SAMMSON: variants seen among roughly 807,000 people sequenced by gnomAD.
SAMMSON encodes long intergenic non-protein coding RNA 1212.
chr3:70,215,808 C>A lies in SAMMSON; in HGVS notation n.508-33299C>A, dbSNP rs917510004. On this transcript the variant is annotated intron_variant and non_coding_transcript_variant, in intron 4 of 9. Transcript: ENST00000642114. The stretch of plus-strand genomic sequence containing the variant: ...TTTAGCCAACTGATGAACTGACAGA[C>A]TAAAGGTGGCGTGTCTTGGTTTTCA... 2.0e-5 allele frequency among the ~76,000 whole-genome samples: 3 copies of A among 152,100 alleles called. No homozygotes were observed. In the East Asian group the frequency reaches 5.8e-4, roughly 29 times the overall value.
At chr3:70,267,824 A>T (rs540638223) in intron 6 of SAMMSON, among the ~76,000 whole-genome samples, 1 of 152,238 alleles carries the variant, frequency 6.6e-6, no homozygotes, top group African/African-American at 2.4e-5. Context: ...TTAGGTAAAA[A>T]ATGGAAATTT....
At chr3:70,391,362 A>G (rs570415950), downstream of SAMMSON, among the ~76,000 whole-genome samples, 3 of 152,278 alleles carry the variant, frequency 2.0e-5, no homozygotes, top group East Asian at 3.9e-4. Flanking sequence ...CATGCCCTTT[A>G]TGGCATAATA....
intron 4 of SAMMSON, among the ~76,000 whole-genome samples, chr3:70,243,967 T>C (rs1701682655): frequency 6.6e-6 from 1 of 152,198 alleles, no homozygotes. Flanking sequence ...TTGCTTCTGA[T>C]CTGCTAATTA....
chr3:70,089,534 G>T (rs1334620352), intron 4 of SAMMSON, among the ~76,000 whole-genome samples: 1 of 150,982 alleles, frequency 6.6e-6, no homozygotes, highest in African/African-American at 2.4e-5. Flanking sequence ...TTAGGCAGAT[G>T]GACGGGGGGT....
At chr3:70,324,168 T>TATC (rs1387335321) in intron 7 of SAMMSON, among the ~76,000 whole-genome samples, 1 of 103,576 alleles carries the variant, frequency 9.7e-6, no homozygotes, top group Non-Finnish European at 2.2e-5. Context: ...TCTATCTATC[T>TATC]ATCTATCTAT....
chr3:70,413,517 G>T (rs887096710), intron 2 of SAMMSON, among the ~76,000 whole-genome samples: 1 of 152,048 alleles, frequency 6.6e-6, no homozygotes, highest in African/African-American at 2.4e-5. Context: ...GAAAATGTAC[G>T]CAGAGTAATC....
intron 4 of SAMMSON, among the ~76,000 whole-genome samples, chr3:70,141,286 C>T (rs2067526587): frequency 6.6e-6 from 1 of 152,156 alleles, no homozygotes; most frequent in Non-Finnish European, 1.5e-5. Flanking sequence ...AAGCTGCAGG[C>T]CCAAGGAAGT....
intron 4 of SAMMSON, among the ~76,000 whole-genome samples, chr3:70,156,483 C>T (rs1215857015): frequency 6.6e-6 from 1 of 151,864 alleles, no homozygotes; most frequent in East Asian, 1.9e-4. Context: ...GAAGTTTTAT[C>T]AAAATTTTCA....
intron 8 of SAMMSON, among the ~76,000 whole-genome samples, chr3:70,354,587 G>A (rs1243762154): frequency 6.6e-6 from 1 of 152,188 alleles, no homozygotes; most frequent in Non-Finnish European, 1.5e-5. Flanking sequence ...ACTTCTGGCT[G>A]CAGGGAGTGT....
At chr3:70,398,470 C>G (rs1036400813) in intron 2 of SAMMSON, among the ~76,000 whole-genome samples, 3 of 152,108 alleles carry the variant, frequency 2.0e-5, no homozygotes, top group Non-Finnish European at 4.4e-5. Flanking sequence ...TTTTTAACAA[C>G]CCAAATAAAC....
intron 4 of SAMMSON, among the ~76,000 whole-genome samples, chr3:70,232,359 A>G (rs1416235221): frequency 6.6e-6 from 1 of 151,614 alleles, no homozygotes; most frequent in Admixed American, 6.6e-5. Context: ...TGCCCACAAT[A>G]TTCACACCTC....
chr3:70,401,670 G>A lies in SAMMSON; in HGVS notation n.233+43346G>A, dbSNP rs186946019. ...GCAATTCAAAAACATTATTGAAAGT[G>A]TGGTTAAGATTTAGTCTAAGGATCT... On this transcript the variant is annotated intron_variant and non_coding_transcript_variant, in intron 2 of 3. Transcript: ENST00000641053. Among the ~76,000 whole-genome samples the A allele has an allele frequency of 7.2e-3, 1,091 of 151,974 alleles. 13 individuals are homozygous for A. The highest frequency in any genetic ancestry group is 0.025 in the African/African-American group (1,023 of 41,494).
intron 4 of SAMMSON, chr3:70,126,695 GTTTTGTTTTTGT>G (rs960274516): frequency 6.6e-5 from 17 of 259,116 alleles, no homozygotes; most frequent in African/African-American, 3.0e-4. Flanking sequence ...AAGAAGTTAG[GTTTTGTTTTTGT>G]TTTTGTTTTT....
intron 2 of SAMMSON, among the ~76,000 whole-genome samples, chr3:70,418,999 C>CTCTCTCTCTCTCTCTCTT (rs1553664169): frequency 1.1e-4 from 13 of 119,290 alleles, no homozygotes; most frequent in African/African-American, 4.2e-4. Context: ...CTCTCTCTCT[C>CTCTCTCTCTCTCTCTCTT]TCTTTCTTTC....
intron 9 of SAMMSON, among the ~76,000 whole-genome samples, chr3:70,359,676 A>C (rs1702857512): frequency 6.6e-6 from 1 of 152,114 alleles, no homozygotes; most frequent in African/African-American, 2.4e-5. Flanking sequence ...TACTTGTTTA[A>C]AATATTTAGA....
intron 4 of SAMMSON, among the ~76,000 whole-genome samples, chr3:70,239,128 T>C (rs1172451487): frequency 6.6e-6 from 1 of 152,188 alleles, no homozygotes; most frequent in Admixed American, 6.5e-5. Context: ...AACTGGTCTT[T>C]CATCAGTTCT....
At chr3:70,290,201 T>C (rs9820990) in intron 6 of SAMMSON, among the ~76,000 whole-genome samples, 31,679 of 152,048 alleles carry the variant, frequency 0.21, 3,496 homozygotes, top group South Asian at 0.28. Context: ...TTATCTACTT[T>C]TGGTCTTTGA....
At chr3:70,156,528 T>A in intron 4 of SAMMSON, among the ~76,000 whole-genome samples, 1 of 151,952 alleles carries the variant, frequency 6.6e-6, no homozygotes, top group East Asian at 1.9e-4. Context: ...GACCAAAGAA[T>A]AAATGAGAAA....
chr3:70,135,349 A>G (rs1559521052), intron 4 of SAMMSON, among the ~76,000 whole-genome samples: 1 of 152,276 alleles, frequency 6.6e-6, no homozygotes, highest in East Asian at 1.9e-4. Flanking sequence ...GTTAATGTAA[A>G]TGAAATTTAT....
Sources: allele counts gnomAD v4.1 joint callset (sites outside exome capture counted in the v4.1 genomes callset), GRCh38; gene constraint gnomAD v4.1.1; transcripts MANE v1.5; gene names NCBI Gene and HGNC (gene_info 2026-07-23, HGNC 2026-07-21).